Variants in HS6ST3 observed in about 807,000 individuals in gnomAD.
HS6ST3 encodes the protein heparan-sulfate 6-O-sulfotransferase 3.
Under a neutral mutation model 36.7 loss-of-function variants are expected in HS6ST3, and 12 were observed. The ratio of observed to expected loss-of-function variants is 0.33; its 90% CI spans 0.21 to 0.53. HS6ST3 has a LOEUF of 0.53. HS6ST3 is among the 20% of genes least tolerant of loss of function. HS6ST3 has a pLI of 0.95. For missense variants in HS6ST3, 584 were observed against 640.9 expected (o/e 0.91, Z 0.96); for synonymous variants, 240 against 257.5 (o/e 0.93, Z 0.65).
intron 1 of HS6ST3, among the ~76,000 whole-genome samples, chr13:96,259,505 T>C (rs1338638399): frequency 1.3e-5 from 2 of 152,144 alleles, no homozygotes; most frequent in African/African-American, 4.8e-5. Context: ...GGATGTAAAA[T>C]CTAGACAAAT....
At position 96,260,229 on chromosome 13, in the gene HS6ST3, C is replaced by CCCTTCCTTCCTTCCTTCCTT. The variant is rs71681344; in HGVS notation, c.707+168681_707+168700dup. Among the ~76,000 whole-genome samples, 15 of 143,510 alleles carry CCCTTCCTTCCTTCCTTCCTT rather than the reference C, an allele frequency of 1.0e-4. No individual in the cohort carries two copies. The East Asian group carries it at 1.7e-3, about 16-fold the overall frequency. The allele number at this position is 143,510 out of a possible 152,430, so 94.1% of individuals were successfully genotyped here. On this transcript the variant is annotated intron_variant, in intron 1 of 1. Transcript: ENST00000376705. ...TTTTTGCTGGGTGCATTTATTTTTT[C>CCCTTCCTTCCTTCCTTCCTT]CCTTCCTTCCTTCCTTCCTTCCTTC... is the stretch of plus-strand genomic sequence containing the variant.
chr13:96,713,927 A>G (rs968455069), intron 1 of HS6ST3, among the ~76,000 whole-genome samples: 2 of 152,178 alleles, frequency 1.3e-5, no homozygotes, highest in African/African-American at 2.4e-5. Flanking sequence ...GGAGTAGCAT[A>G]TAAACCAGTA....
chr13:96,496,922 A>G (rs1287501142), intron 1 of HS6ST3, among the ~76,000 whole-genome samples: 1 of 152,120 alleles, frequency 6.6e-6, no homozygotes, highest in Non-Finnish European at 1.5e-5. Flanking sequence ...ACTAACACAC[A>G]TATAGGGATA....
At chr13:96,636,712 T>G (rs1432802585) in intron 1 of HS6ST3, among the ~76,000 whole-genome samples, 1 of 152,146 alleles carries the variant, frequency 6.6e-6, no homozygotes, top group Non-Finnish European at 1.5e-5. Context: ...GACATAAATC[T>G]AATGAAGTAA....
At chr13:96,628,675 A>C (rs1010443816) in intron 1 of HS6ST3, among the ~76,000 whole-genome samples, 1 of 152,102 alleles carries the variant, frequency 6.6e-6, no homozygotes, top group South Asian at 2.1e-4. Context: ...ATTTTATATA[A>C]TTCTAAAATC....
intron 1 of HS6ST3, among the ~76,000 whole-genome samples, chr13:96,395,924 A>C (rs1032011567): frequency 1.4e-4 from 21 of 152,122 alleles, no homozygotes; most frequent in African/African-American, 4.8e-4. Context: ...TGGAAGAATG[A>C]AATAATCTTC....
chr13:96,670,069 C>T (rs533226855), intron 1 of HS6ST3, among the ~76,000 whole-genome samples: 1 of 152,174 alleles, frequency 6.6e-6, no homozygotes, highest in East Asian at 1.9e-4. Flanking sequence ...TGCCTCAGGG[C>T]ACTTTGACAT....
intron 1 of HS6ST3, among the ~76,000 whole-genome samples, chr13:96,672,085 C>G (rs968498271): frequency 2.6e-5 from 4 of 152,028 alleles, no homozygotes; most frequent in Non-Finnish European, 5.9e-5. Flanking sequence ...TTCTAAATAC[C>G]ATGCTCAGAC....
At chr13:96,303,801 C>T (rs568648930) in intron 1 of HS6ST3, among the ~76,000 whole-genome samples, 7 of 152,176 alleles carry the variant, frequency 4.6e-5, no homozygotes, top group African/African-American at 7.2e-5. Context: ...AATATCTAAT[C>T]GAATTCACCT....
At chr13:96,588,276 G>C (rs1349010993) in intron 1 of HS6ST3, among the ~76,000 whole-genome samples, 1 of 151,706 alleles carries the variant, frequency 6.6e-6, no homozygotes, top group African/African-American at 2.4e-5. Context: ...ATGTTGAATG[G>C]AGTGAAGAGA....
rs894843994 is a variant in HS6ST3 at position 96,193,668 on chromosome 13, A to G, written c.707+102099A>G. On this transcript the variant is annotated intron_variant, in intron 1 of 1. Coordinates refer to ENST00000376705, the MANE Select transcript of HS6ST3 (RefSeq NM_153456.4). ...TTTAAAAAGAAATCTGAGAGGAGAA[A>G]AAGAAAGCGAGAGGTAGGCTGAAAA... 1.2e-4 allele frequency among the ~76,000 whole-genome samples: 18 copies of G among 152,348 alleles called. No individual in the cohort carries two copies. The South Asian group carries it at 1.4e-3, about 12-fold the overall frequency.
At chr13:96,258,728 G>A (rs569558030) in intron 1 of HS6ST3, among the ~76,000 whole-genome samples, 1 of 152,122 alleles carries the variant, frequency 6.6e-6, no homozygotes, top group South Asian at 2.1e-4. Flanking sequence ...GATATTGAAT[G>A]GATATTTATT....
chr13:96,698,092 C>T (rs1399849956), intron 1 of HS6ST3, among the ~76,000 whole-genome samples: 8 of 151,930 alleles, frequency 5.3e-5, no homozygotes, highest in Non-Finnish European at 1.2e-4. Context: ...ATGTGCACAA[C>T]GTGCAGGTTT....
intron 1 of HS6ST3, among the ~76,000 whole-genome samples, chr13:96,794,472 C>T (rs550796254): frequency 1.3e-5 from 2 of 152,080 alleles, no homozygotes; most frequent in African/African-American, 4.8e-5. Context: ...ATATTTGTGG[C>T]CAAGTTTTTA....
At chr13:96,295,289 T>C (rs1005003493) in intron 1 of HS6ST3, among the ~76,000 whole-genome samples, 5 of 152,158 alleles carry the variant, frequency 3.3e-5, no homozygotes, top group African/African-American at 1.2e-4. Context: ...TATTATATAA[T>C]AGGTTATGCT....
intron 1 of HS6ST3, among the ~76,000 whole-genome samples, chr13:96,443,486 C>T (rs1212194573): frequency 4.1e-5 from 6 of 147,272 alleles, no homozygotes; most frequent in Non-Finnish European, 5.9e-5. Flanking sequence ...GCCGAGATCA[C>T]GCCACTGCAC....
intron 1 of HS6ST3, among the ~76,000 whole-genome samples, chr13:96,648,372 C>A (rs571968312): frequency 6.6e-6 from 1 of 152,162 alleles, no homozygotes; most frequent in Admixed American, 6.6e-5. Flanking sequence ...TGCCTCTGGA[C>A]CCAGTCCTTG....
chr13:96,335,393 G>A (rs1179533070), intron 1 of HS6ST3, among the ~76,000 whole-genome samples: 2 of 152,210 alleles, frequency 1.3e-5, no homozygotes, highest in Admixed American at 6.5e-5. Context: ...TGACCTTGGT[G>A]ATGAACAGGG....
At chr13:96,692,747 G>A (rs920518617) in intron 1 of HS6ST3, among the ~76,000 whole-genome samples, 1 of 152,074 alleles carries the variant, frequency 6.6e-6, no homozygotes, top group Non-Finnish European at 1.5e-5. Flanking sequence ...AAACAAAAAT[G>A]TATATTTTTG....
Sources: gnomAD v4.1 joint callset for allele counts (sites outside exome capture counted in the v4.1 genomes callset) on GRCh38, gnomAD v4.1.1 for gene constraint, MANE v1.5 for transcripts, NCBI Gene and HGNC (gene_info 2026-07-23, HGNC 2026-07-21) for gene names.